Variants in SLC47A2 observed in about 807,000 individuals in gnomAD.
The protein encoded by SLC47A2 is multidrug and toxin extrusion protein 2.
A neutral mutation model predicts 67.7 loss-of-function variants in SLC47A2; 52 were observed. The observed-to-expected ratio is 0.77, with a 90% CI of 0.61 to 0.97. The LOEUF is 0.97. Ranked by LOEUF, SLC47A2 falls within the 50% of genes least tolerant of loss-of-function variation. The pLI is 0.00. For synonymous variants in SLC47A2, 278 were observed against 292.9 expected (o/e 0.95, Z 0.52); for missense variants, 676 against 712.3 (o/e 0.95, Z 0.58).
At chr17:19,692,285 T>C in intron 13 of SLC47A2, 1 of 428,092 alleles carries the variant, frequency 2.3e-6, no homozygotes, top group Non-Finnish European at 4.6e-6. Context: ...TTACCAAGGA[T>C]CTGATCTTGG....
chr17:19,700,547 G>A (rs2085758925), intron 13 of SLC47A2, among the ~76,000 whole-genome samples: 1 of 152,190 alleles, frequency 6.6e-6, no homozygotes, highest in African/African-American at 2.4e-5. Context: ...GACTGCTTAA[G>A]CCCAGGAGCT....
intron 16 of SLC47A2, 152 bp from the exon 17 acceptor site, chr17:19,679,058 C>A: frequency 1.5e-6 from 1 of 645,726 alleles, no homozygotes; most frequent in Non-Finnish European, 2.8e-6. Context: ...ACTGCTTTAT[C>A]TACTTTACAA....
chr17:19,691,955 C>T (rs187600132), intron 13 of SLC47A2, among the ~76,000 whole-genome samples: 5 of 152,206 alleles, frequency 3.3e-5, no homozygotes, highest in Admixed American at 1.3e-4. Flanking sequence ...AATTGGCTGG[C>T]GCAGTGGCTC....
At chr17:19,696,860 C>T (rs2085675403) in intron 13 of SLC47A2, among the ~76,000 whole-genome samples, 1 of 152,186 alleles carries the variant, frequency 6.6e-6, no homozygotes, top group Non-Finnish European at 1.5e-5. Context: ...GATCAAGTGA[C>T]AACATCTGTT....
chr17:19,711,927 C>T (rs753978430), intron 5 of SLC47A2, among the ~76,000 whole-genome samples: 8 of 151,836 alleles, frequency 5.3e-5, no homozygotes, highest in African/African-American at 1.5e-4. Flanking sequence ...ACTATGGGTA[C>T]CAGATAACCT....
At chr17:19,703,350 G>A (rs1037249923) in intron 11 of SLC47A2, among the ~76,000 whole-genome samples, 183 bp from the exon 12 acceptor site, 3 of 152,238 alleles carry the variant, frequency 2.0e-5, no homozygotes, top group African/African-American at 7.2e-5. Flanking sequence ...AGACAGTCTT[G>A]TAGGAAGGGC....
In SLC47A2 at chr17:19,678,791, T is replaced by A. The variant is rs113195318; in HGVS notation, c.1596A>T (p.Arg532Ser). Residue 532 changes from arginine to serine, a missense_variant, in exon 17 of 17, where the codon AGA becomes AGT. Coordinates refer to ENST00000433844, the MANE Select transcript of SLC47A2 (RefSeq NM_001099646.3). ...EAHALSAPTS[R>S]LSVKQLVIRR... The stretch of plus-strand genomic sequence containing the variant: ...GGATGACCAGCTGTTTCACTGATAG[T>A]CTGCTGGTAGGAGCTGAAAGGGCGT... The A allele has an allele frequency of 6.8e-6, 11 of 1,614,236 alleles. No individual in the cohort carries two copies. The highest frequency in any genetic ancestry group is 6.7e-5 in the African/African-American group (5 of 75,052).
At position 19,713,798 on chromosome 17, in the gene SLC47A2, C is replaced by A. The variant is rs113574424; in HGVS notation, c.443+27G>T. Reference sequence around the variant, plus strand: ...GCGGCCCGGGTTTCCCAGCAAGCCCCACCTCCCCAGCCGGAGCCCAGCGCA... The same window carrying A: ...GCGGCCCGGGTTTCCCAGCAAGCCCAACCTCCCCAGCCGGAGCCCAGCGCA... On this transcript the variant is annotated intron_variant, in intron 4 of 16. Transcript: ENST00000433844. 88 of 1,595,238 alleles carry A rather than the reference C, an allele frequency of 5.5e-5. No individual in the cohort carries two copies. In the African/African-American group the frequency reaches 8.7e-4, roughly 16 times the overall value.
In SLC47A2 at chr17:19,702,590, C is replaced by T. The variant is rs1314991697; in HGVS notation, c.1164+15G>A. ...TGTCCCAGGGAGTCAGGCTTTGGAT[C>T]AAAGTGGTACTTACACAGATGGCCT... On this transcript the variant is annotated intron_variant, in intron 13 of 16. Transcript: ENST00000433844. The T allele has an allele frequency of 6.2e-6, 10 of 1,613,432 alleles. No individual in the cohort carries two copies. The highest frequency in any genetic ancestry group is 1.7e-5 in the Admixed American group (1 of 59,934).
At position 19,678,726 on chromosome 17, in the gene SLC47A2, A is replaced by G. The variant is rs1263041178; in HGVS notation, c.1661T>C (p.Met554Thr). Residue 554 changes from methionine to threonine, a missense_variant, in exon 17 of 17, where the codon ATG (methionine) becomes ACG (threonine). By Grantham distance (81) the Met-to-Thr change is moderately conservative. Coordinates refer to ENST00000433844, the MANE Select transcript of SLC47A2 (RefSeq NM_001099646.3). ...AALGAASATL[M>T]VGLTVRILAT... ...TAGGATCCTGACCGTGAGCCCCACC[A>G]TCAGTGTGGCTGACGCCGCCCCCAG... 2 of 1,613,626 alleles carry G rather than the reference A, an allele frequency of 1.2e-6. No individual in the cohort carries two copies. The highest frequency in any genetic ancestry group is 2.2e-5 in the South Asian group (2 of 91,046).
At position 19,715,009 on chromosome 17, in the gene SLC47A2, T is replaced by C. The variant is rs559421519; in HGVS notation, c.225+107A>G. The C allele has an allele frequency of 5.9e-5, 79 of 1,345,358 alleles. No homozygotes were observed. The South Asian group carries it at 9.1e-4, about 16-fold the overall frequency. 83.3% of individuals were successfully genotyped at this position (1,345,358 alleles called of 1,614,324 possible). A position where few individuals can be genotyped will look rare whatever the true frequency, so the allele number is the denominator to read the frequency against. ...AAGGCAGCTGTCCAGCCACGTGGGC[T>C]GTGTCTTCCCATCCCTGACCAGCCA... is the stretch of plus-strand genomic sequence containing the variant. On this transcript the variant is annotated intron_variant, in intron 2 of 16. Coordinates refer to ENST00000433844, the MANE Select transcript of SLC47A2 (RefSeq NM_001099646.3).
chr17:19,701,241 T>C (rs2085779913), intron 13 of SLC47A2, among the ~76,000 whole-genome samples: 1 of 151,534 alleles, frequency 6.6e-6, no homozygotes, highest in South Asian at 2.1e-4. Context: ...TTTCATTTAA[T>C]GTTCCTTGAT....
At chr17:19,712,254 G>A (rs1020001806) in intron 5 of SLC47A2, among the ~76,000 whole-genome samples, 2 of 152,146 alleles carry the variant, frequency 1.3e-5, no homozygotes, top group Non-Finnish European at 2.9e-5. Flanking sequence ...AGGCGTGGTG[G>A]TGCATGCCTG....
intron 4 of SLC47A2, among the ~76,000 whole-genome samples, chr17:19,713,556 T>TAA (rs1424629938): frequency 6.6e-6 from 1 of 152,224 alleles, no homozygotes; most frequent in Non-Finnish European, 1.5e-5. Flanking sequence ...CAAATGCAAA[T>TAA]AAAATGCAAA....
Position 19,678,704 on chromosome 17 carries a change from G to C in SLC47A2, c.1683C>G (p.Ile561Met). 1 of 1,612,860 alleles carries C rather than the reference G, an allele frequency of 6.2e-7. No homozygotes were observed. Among genetic ancestry groups the C allele is most frequent in the Non-Finnish European group, 8.5e-7 (1 of 1,179,964 alleles). The change falls in exon 17 of 17, where the codon ATC (isoleucine) becomes ATG (methionine). Residue 561 changes from isoleucine to methionine, a missense_variant. Physicochemically the swap from Ile to Met is conservative, Grantham distance 10. Transcript: ENST00000433844. ...TTCTTTGCTAGTGCCTGGTGGCTAGGATCCTGACCGTGAGCCCCACCATCA... is the reference window on the plus strand; with the variant it reads ...TTCTTTGCTAGTGCCTGGTGGCTAGCATCCTGACCGTGAGCCCCACCATCA... The part of the protein sequence containing the change: ...ATLMVGLTVR[I>M]LATRH
Position 19,709,041 on chromosome 17 carries a change from C to T in SLC47A2, c.487-281G>A, listed in dbSNP as rs116514668. Among the ~76,000 whole-genome samples the T allele has an allele frequency of 2.2e-3, 330 of 152,332 alleles. 1 individual carries two copies. The highest frequency in any genetic ancestry group is 7.6e-3 in the African/African-American group (317 of 41,572). The stretch of plus-strand genomic sequence containing the variant: ...AGAGAGTACTCTTTGCACACATGCT[C>T]ATAGTGCACAGTGCCTGGTAGGCCT... On this transcript the variant is annotated intron_variant, in intron 5 of 16. Coordinates refer to ENST00000433844, the MANE Select transcript of SLC47A2 (RefSeq NM_001099646.3).
At chr17:19,703,041 G>A (rs1472119341) in intron 12 of SLC47A2, 51 bp downstream of exon 12, 1 of 1,562,306 alleles carries the variant, frequency 6.4e-7, no homozygotes, top group Non-Finnish European at 8.8e-7. Flanking sequence ...GGACACACTG[G>A]GAACCACTTT....
chr17:19,700,605 TA>T (rs1191647613), intron 13 of SLC47A2, among the ~76,000 whole-genome samples: 1 of 151,806 alleles, frequency 6.6e-6, no homozygotes, highest in East Asian at 1.9e-4. Context: ...TACAAAACTT[TA>T]AAAAGAAAAT....
intron 13 of SLC47A2, among the ~76,000 whole-genome samples, chr17:19,683,840 AT>A (rs35031331): frequency 1.3e-5 from 2 of 152,214 alleles, no homozygotes; most frequent in Non-Finnish European, 2.9e-5. Context: ...CTCTGCAGAC[AT>A]TTTTAATCCT....
Sources: allele counts gnomAD v4.1 joint callset (sites outside exome capture counted in the v4.1 genomes callset), GRCh38; gene constraint gnomAD v4.1.1; transcripts MANE v1.5; gene names NCBI Gene and HGNC (gene_info 2026-07-23, HGNC 2026-07-21).